Variants in RALGPS1 observed in about 807,000 individuals in gnomAD.
RALGPS1 encodes the protein ras-specific guanine nucleotide-releasing factor RalGPS1.
In RALGPS1, 19 loss-of-function variants were observed where a neutral mutation model predicts 78.8. The observed-to-expected ratio is 0.24, with a 90% CI of 0.17 to 0.35. The LOEUF is 0.35. Ranked by LOEUF, RALGPS1 falls within the 10% of genes least tolerant of loss-of-function variation. The pLI, the probability that RALGPS1 is intolerant of heterozygous loss-of-function variation, is 1.00. For synonymous variants in RALGPS1, 228 were observed against 256.3 expected (o/e 0.89, Z 1.06); for missense variants, 454 against 688.3 (o/e 0.66, Z 3.81).
chr9:126,991,417 C>T (rs1263959621), intron 4 of RALGPS1, among the ~76,000 whole-genome samples: 1 of 151,950 alleles, frequency 6.6e-6, no homozygotes, highest in African/African-American at 2.4e-5. Context: ...ATGGATATGA[C>T]ATTAGTGTTG....
chr9:127,218,791 A>G lies in RALGPS1; in HGVS notation c.*22A>G. 3 of 1,612,618 alleles carry G rather than the reference A, an allele frequency of 1.9e-6. No individual in the cohort carries two copies. The highest frequency in any genetic ancestry group is 2.5e-6 in the Non-Finnish European group (3 of 1,178,558). The stretch of plus-strand genomic sequence containing the variant: ...GTAAGTCTCTGCAGGACGTGGCATG[A>G]CTTCAGAGGCTTCTGGGAACCCAGG... On this transcript the variant is annotated 3_prime_UTR_variant, in exon 19 of 19. Coordinates refer to ENST00000259351, the MANE Select transcript of RALGPS1 (RefSeq NM_014636.3). The surrounding 1 kb of genome is among the most constrained non-coding windows in gnomAD (Gnocchi z 4.4).
At chr9:126,967,307 C>G (rs753620312) in intron 3 of RALGPS1, among the ~76,000 whole-genome samples, 2 of 152,268 alleles carry the variant, frequency 1.3e-5, no homozygotes, top group Middle Eastern at 3.4e-3. Flanking sequence ...CTTCTGCCCC[C>G]ACCTCTGTGC....
rs2139694609 is a variant in RALGPS1, at chr9:127,168,788, T to C, written c.842+16T>C. On this transcript the variant is annotated intron_variant, in intron 10 of 18. Coordinates refer to ENST00000259351, the MANE Select transcript of RALGPS1 (RefSeq NM_014636.3). The stretch of plus-strand genomic sequence containing the variant: ...ACAACTACAAGTAAGTCCCCACGTA[T>C]TCCTGTGTCAGGCCTCCCAGCCCCA... The C allele has an allele frequency of 3.8e-6, 6 of 1,587,268 alleles. No homozygotes were observed. The highest frequency in any genetic ancestry group is 4.3e-6 in the Non-Finnish European group (5 of 1,155,624).
chr9:127,177,303 T>G (rs984354799), intron 11 of RALGPS1, among the ~76,000 whole-genome samples: 2 of 152,146 alleles, frequency 1.3e-5, no homozygotes, highest in Non-Finnish European at 2.9e-5. Flanking sequence ...GCCTCACGAC[T>G]GAGCCTCAGA....
chr9:127,217,045 G>A (rs1397180572), intron 18 of RALGPS1: 3 of 1,469,934 alleles, frequency 2.0e-6, no homozygotes, highest in Non-Finnish European at 2.7e-6. Context: ...AACAGTGGTA[G>A]CCCTGAGTAA....
intron 3 of RALGPS1, among the ~76,000 whole-genome samples, chr9:126,976,505 G>A (rs982014450): frequency 6.6e-6 from 1 of 151,972 alleles, no homozygotes; most frequent in South Asian, 2.1e-4. Context: ...TGCCAGGAAC[G>A]CTACCTCTTG....
At chr9:127,068,283 C>T (rs1266526040) in intron 7 of RALGPS1, among the ~76,000 whole-genome samples, 1 of 152,132 alleles carries the variant, frequency 6.6e-6, no homozygotes, top group Non-Finnish European at 1.5e-5. Flanking sequence ...GGTGGCTTGG[C>T]TTTGTATACA....
At chr9:127,168,824 T>A (rs1250588898) in intron 10 of RALGPS1, 52 bp downstream of exon 10, 1 of 1,459,896 alleles carries the variant, frequency 6.8e-7, no homozygotes, top group East Asian at 2.3e-5. Flanking sequence ...CTTTTGTCCT[T>A]AGTGCTCAGG....
Position 127,093,812 on chromosome 9 carries a change from T to C in RALGPS1, c.610+24456T>C, listed in dbSNP as rs760517972. ...GATGACGGTCCAGCCCCCGGGGTCG[T>C]GTCTCTGGTCGCACCACACCTGCAT... On this transcript the variant is annotated intron_variant, in intron 8 of 18. Transcript: ENST00000259351. 6 of 1,613,924 alleles carry C rather than the reference T, an allele frequency of 3.7e-6. No homozygotes were observed. In the African/African-American group the frequency reaches 5.3e-5, roughly 14 times the overall value.
chr9:127,043,081 G>A (rs1215874919), intron 5 of RALGPS1, among the ~76,000 whole-genome samples: 1 of 152,186 alleles, frequency 6.6e-6, no homozygotes. Context: ...ATACTGTTAA[G>A]ATGTCAGTTC....
intron 8 of RALGPS1, among the ~76,000 whole-genome samples, chr9:127,157,071 A>G (rs148354099): frequency 1.3e-5 from 2 of 152,142 alleles, no homozygotes; most frequent in East Asian, 3.9e-4. Flanking sequence ...TTATTTGTCT[A>G]ACTCTGTAGC....
chr9:127,030,972 GCT>G (rs1225511849), intron 4 of RALGPS1, among the ~76,000 whole-genome samples: 1 of 152,174 alleles, frequency 6.6e-6, no homozygotes, highest in Non-Finnish European at 1.5e-5. Context: ...GACTGCACAG[GCT>G]CTTAGTCCCC....
At chr9:127,187,407 G>A (rs986505583) in intron 11 of RALGPS1, among the ~76,000 whole-genome samples, 3 of 152,206 alleles carry the variant, frequency 2.0e-5, no homozygotes, top group African/African-American at 4.8e-5. Flanking sequence ...GCACACCTGG[G>A]ATCAAGTCCT....
intron 5 of RALGPS1, among the ~76,000 whole-genome samples, chr9:127,039,187 T>G (rs192390581): frequency 9.3e-4 from 141 of 152,114 alleles, no homozygotes; most frequent in Non-Finnish European, 1.8e-3. Context: ...TGAGGATTGC[T>G]GACATTTAAG....
At chr9:127,064,852 C>A (rs1201702272) in intron 7 of RALGPS1, among the ~76,000 whole-genome samples, 1 of 151,976 alleles carries the variant, frequency 6.6e-6, no homozygotes, top group Non-Finnish European at 1.5e-5. Flanking sequence ...AATATTTTGT[C>A]ATTTCCCTGG....
intron 4 of RALGPS1, among the ~76,000 whole-genome samples, chr9:127,011,287 C>T (rs1216401389): frequency 6.6e-6 from 1 of 152,102 alleles, no homozygotes; most frequent in Non-Finnish European, 1.5e-5. Context: ...AAGAGATTCT[C>T]CTGCCTCCGC....
At chr9:127,044,617 G>A (rs993376772) in intron 5 of RALGPS1, among the ~76,000 whole-genome samples, 12 of 152,064 alleles carry the variant, frequency 7.9e-5, no homozygotes, top group Admixed American at 2.6e-4. Context: ...ACCTGTGCAG[G>A]TTTGTTACAT....
chr9:127,145,340 T>G (rs1271912069), intron 8 of RALGPS1, among the ~76,000 whole-genome samples: 3 of 152,202 alleles, frequency 2.0e-5, no homozygotes, highest in Non-Finnish European at 2.9e-5. Flanking sequence ...CGCTGGTCAG[T>G]GGCAGAGCCA....
intron 4 of RALGPS1, among the ~76,000 whole-genome samples, chr9:127,030,185 A>G (rs1004251511): frequency 1.4e-4 from 22 of 152,274 alleles, no homozygotes; most frequent in African/African-American, 5.3e-4. Context: ...GCCAGGAGGC[A>G]CCTGGCTATC....
Sources: allele counts gnomAD v4.1 joint callset (sites outside exome capture counted in the v4.1 genomes callset), GRCh38; gene constraint gnomAD v4.1.1; non-coding constraint Gnocchi (gnomAD v3.1); transcripts MANE v1.5; gene names NCBI Gene and HGNC (gene_info 2026-07-23, HGNC 2026-07-21).